The following FHIT variants were observed in gnomAD, a reference collection of about 807,000 sequenced individuals.
FHIT encodes bis(5'-adenosyl)-triphosphatase.
Under a neutral mutation model 17.9 loss-of-function variants are expected in FHIT, and 19 were observed. The observed-to-expected ratio is 1.06, with a 90% CI of 0.74 to 1.56. The LOEUF is 1.56. Among genes scored for constraint, FHIT ranks in the 40% most tolerant of loss-of-function variants. The pLI is 0.00. For missense variants in FHIT, 248 were observed against 189.2 expected (o/e 1.31, Z -1.82); for synonymous variants, 81 against 69.7 (o/e 1.16, Z -0.81).
intron 4 of FHIT, among the ~76,000 whole-genome samples, chr3:60,783,152 AT>A (rs35699949): frequency 0.49 from 73,578 of 149,082 alleles, 18,760 homozygotes; most frequent in East Asian, 0.84. Flanking sequence ...TAATTTTTGC[AT>A]TTTTTTTTTT....
At chr3:61,124,431 T>C (rs1576059063) in intron 2 of FHIT, among the ~76,000 whole-genome samples, 1 of 151,996 alleles carries the variant, frequency 6.6e-6, no homozygotes, top group Admixed American at 6.6e-5. Flanking sequence ...CAACGGCTGG[T>C]GGTGGGATGG....
intron 3 of FHIT, among the ~76,000 whole-genome samples, chr3:60,965,076 C>T (rs926575903): frequency 3.2e-4 from 49 of 152,284 alleles, no homozygotes; most frequent in African/African-American, 8.2e-4. Context: ...ACCAAGCAGA[C>T]GTAGATTTGG....
At chr3:60,400,809 CAGTG>C (rs1298143046) in intron 5 of FHIT, among the ~76,000 whole-genome samples, 3 of 152,034 alleles carry the variant, frequency 2.0e-5, no homozygotes, top group African/African-American at 7.2e-5. Flanking sequence ...TGCGAAATCT[CAGTG>C]AGAGGATTTT....
intron 8 of FHIT, among the ~76,000 whole-genome samples, chr3:59,826,657 C>T (rs1024835233): frequency 2.0e-5 from 3 of 152,226 alleles, no homozygotes; most frequent in African/African-American, 4.8e-5. Flanking sequence ...CGAGTGCGCG[C>T]GAGTCTCATA....
At chr3:59,939,099 C>T (rs895553323) in intron 7 of FHIT, among the ~76,000 whole-genome samples, 20 of 152,196 alleles carry the variant, frequency 1.3e-4, no homozygotes, top group Admixed American at 1.2e-3. Context: ...AGCCCCAGCA[C>T]CAACCCTCAT....
intron 7 of FHIT, among the ~76,000 whole-genome samples, chr3:59,938,647 GTA>G (rs1164188770): frequency 1.3e-5 from 2 of 152,162 alleles, no homozygotes; most frequent in South Asian, 2.1e-4. Context: ...TTACTATTTT[GTA>G]TATATGTCTT....
At chr3:60,961,945 G>GT (rs1461316096) in intron 3 of FHIT, among the ~76,000 whole-genome samples, 2 of 152,182 alleles carry the variant, frequency 1.3e-5, no homozygotes, top group Admixed American at 6.5e-5. Flanking sequence ...CTTTAAGGTA[G>GT]TTTTTTCCAA....
chr3:60,633,815 G>C (rs1051916663), intron 4 of FHIT, among the ~76,000 whole-genome samples: 3 of 152,164 alleles, frequency 2.0e-5, no homozygotes, highest in Admixed American at 1.3e-4. Context: ...CCATCTGCGC[G>C]ATTTAACCAC....
chr3:60,414,170 T>C (rs1182624606), intron 5 of FHIT, among the ~76,000 whole-genome samples: 1 of 152,156 alleles, frequency 6.6e-6, no homozygotes, highest in Non-Finnish European at 1.5e-5. Context: ...TAAACATATA[T>C]TGGAATCACA....
chr3:60,463,299 TCA>T (rs2032586287), intron 5 of FHIT, among the ~76,000 whole-genome samples: 1 of 152,200 alleles, frequency 6.6e-6, no homozygotes, highest in Non-Finnish European at 1.5e-5. Flanking sequence ...AAGAAATAGT[TCA>T]CAAATCTAAG....
intron 8 of FHIT, among the ~76,000 whole-genome samples, chr3:59,800,835 G>A (rs1559617771): frequency 6.6e-6 from 1 of 152,176 alleles, no homozygotes; most frequent in Non-Finnish European, 1.5e-5. Context: ...AGTGCAGGAG[G>A]GGGAGAGAAG....
At chr3:60,367,491 G>A (rs1182712956) in intron 5 of FHIT, among the ~76,000 whole-genome samples, 1 of 152,118 alleles carries the variant, frequency 6.6e-6, no homozygotes, top group Non-Finnish European at 1.5e-5. Context: ...ACTCAAAAAC[G>A]AGGAAGTGGG....
At chr3:60,285,385 C>G (rs1196345429) in intron 5 of FHIT, among the ~76,000 whole-genome samples, 1 of 151,946 alleles carries the variant, frequency 6.6e-6, no homozygotes, top group African/African-American at 2.4e-5. Flanking sequence ...TGCCAGCCAC[C>G]CATAAAAGTA....
At chr3:59,760,711 C>T (rs1307849333) in intron 8 of FHIT, among the ~76,000 whole-genome samples, 2 of 152,168 alleles carry the variant, frequency 1.3e-5, no homozygotes, top group Non-Finnish European at 2.9e-5. Flanking sequence ...GTAGTCACTT[C>T]CTGTCAGGGA....
At chr3:60,471,433 C>G (rs927744049) in intron 5 of FHIT, among the ~76,000 whole-genome samples, 2 of 152,268 alleles carry the variant, frequency 1.3e-5, no homozygotes, top group East Asian at 3.9e-4. Context: ...TCTAAATGCT[C>G]CCTCCTTGGG....
At chr3:61,092,518 T>TAC (rs1341781670) in intron 2 of FHIT, among the ~76,000 whole-genome samples, 1 of 151,994 alleles carries the variant, frequency 6.6e-6, no homozygotes, top group Non-Finnish European at 1.5e-5. Context: ...TATATATATA[T>TAC]ACTGCTTGCT....
At chr3:60,752,263 A>C (rs994121068) in intron 4 of FHIT, among the ~76,000 whole-genome samples, 10 of 152,356 alleles carry the variant, frequency 6.6e-5, no homozygotes, top group Middle Eastern at 3.4e-3. Context: ...CACCTCAAAA[A>C]GAAAGCATAC....
intron 3 of FHIT, among the ~76,000 whole-genome samples, chr3:60,833,626 T>C (rs1386335032): frequency 3.3e-5 from 5 of 152,116 alleles, no homozygotes; most frequent in African/African-American, 1.2e-4. Context: ...TAAGAAAAAA[T>C]ACAGAGAAGG....
At chr3:59,965,713 G>A (rs1707895058) in intron 7 of FHIT, among the ~76,000 whole-genome samples, 1 of 152,052 alleles carries the variant, frequency 6.6e-6, no homozygotes, top group Non-Finnish European at 1.5e-5. Context: ...AATTAATTAA[G>A]CCCAATTTCT....
Sources: allele counts gnomAD v4.1 joint callset (sites outside exome capture counted in the v4.1 genomes callset), GRCh38; gene constraint gnomAD v4.1.1; transcripts MANE v1.5; gene names NCBI Gene and HGNC (gene_info 2026-07-23, HGNC 2026-07-21).